Variants in AFTPH observed in about 807,000 individuals in gnomAD.
The protein encoded by AFTPH is aftiphilin protein.
A neutral mutation model predicts 72.5 loss-of-function variants in AFTPH; 7 were observed. That is an observed-to-expected ratio of 0.10 (90% CI 0.05 to 0.18). The LOEUF (loss-of-function observed/expected upper bound fraction) is 0.18, where lower values mean the gene tolerates loss of function less well. Among genes scored for constraint, AFTPH ranks in the 10% least tolerant of loss-of-function variants. AFTPH has a pLI of 1.00. For missense variants in AFTPH, 979 were observed against 1,060.5 expected (o/e 0.92, Z 1.07); for synonymous variants, 337 against 370.1 (o/e 0.91, Z 1.03).
chr2:64,550,730 CA>C (rs1553398442), intron 1 of AFTPH, among the ~76,000 whole-genome samples: 2 of 140,262 alleles, frequency 1.4e-5, no homozygotes, highest in Admixed American at 7.0e-5. Context: ...CACACACACA[CA>C]ACTGGTGAAA....
intron 1 of AFTPH, among the ~76,000 whole-genome samples, chr2:64,527,769 C>A (rs1055997343): frequency 6.6e-6 from 1 of 152,148 alleles, no homozygotes; most frequent in Admixed American, 6.5e-5. Context: ...GAATTGTTTG[C>A]CTCTCCAGAT....
chr2:64,536,904 G>A (rs1219563241), intron 1 of AFTPH, among the ~76,000 whole-genome samples: 2 of 134,614 alleles, frequency 1.5e-5, no homozygotes, highest in African/African-American at 5.6e-5. Context: ...AGTGAGCCAT[G>A]ATTGCACCAC....
chr2:64,524,909 G>A (rs1228544337), intron 1 of AFTPH, among the ~76,000 whole-genome samples: 1 of 152,244 alleles, frequency 6.6e-6, no homozygotes, highest in African/African-American at 2.4e-5. Context: ...GGCTCTCCCT[G>A]CCCCTTTGCT....
At chr2:64,561,513 CA>C (rs1281968767) in intron 2 of AFTPH, among the ~76,000 whole-genome samples, 3 of 151,834 alleles carry the variant, frequency 2.0e-5, no homozygotes, top group African/African-American at 7.3e-5. Flanking sequence ...GCCATCTCTA[CA>C]AAAAATAAAA....
intron 1 of AFTPH, among the ~76,000 whole-genome samples, chr2:64,550,946 GAAAT>G (rs749327577): frequency 1.3e-5 from 2 of 151,998 alleles, no homozygotes; most frequent in African/African-American, 2.4e-5. Flanking sequence ...ACTTGGGTCA[GAAAT>G]AAACATTGAA....
At chr2:64,584,817 T>C (rs553612903) in intron 7 of AFTPH, among the ~76,000 whole-genome samples, 148 of 152,218 alleles carry the variant, frequency 9.7e-4, no homozygotes, top group African/African-American at 2.5e-3. Context: ...AGGACGGTCT[T>C]GATCTCCTGA....
chr2:64,534,561 A>T (rs1295949545), intron 1 of AFTPH, among the ~76,000 whole-genome samples: 1 of 152,190 alleles, frequency 6.6e-6, no homozygotes, highest in Non-Finnish European at 1.5e-5. Context: ...ATTAGGTTTC[A>T]TAAGTTTACA....
At chr2:64,552,020 A>C (rs768955157) in exon 2 of AFTPH, 63 of 1,613,844 alleles carry the variant, frequency 3.9e-5, no homozygotes, top group Non-Finnish European at 5.0e-5. Context: ...TGGAGATTCT[A>C]ACAAATGGGT....
chr2:64,561,691 A>G (rs554287422), intron 2 of AFTPH, among the ~76,000 whole-genome samples: 1 of 152,298 alleles, frequency 6.6e-6, no homozygotes, highest in South Asian at 2.1e-4. Context: ...AAAGAAAAAA[A>G]AAATCAAGTA....
chr2:64,584,636 A>G (rs548648176), intron 7 of AFTPH, among the ~76,000 whole-genome samples: 16 of 123,736 alleles, frequency 1.3e-4, no homozygotes, highest in Admixed American at 3.0e-4. Flanking sequence ...TTGTTCTGTC[A>G]CCCAGGCTGG....
chr2:64,555,686 G>T (rs1207528291), intron 2 of AFTPH, among the ~76,000 whole-genome samples: 1 of 152,132 alleles, frequency 6.6e-6, no homozygotes, highest in Non-Finnish European at 1.5e-5. Flanking sequence ...TGGATGTTGG[G>T]AAAGAGAAAC....
At chr2:64,591,741 A>T in intron 8 of AFTPH, 147 bp from the exon 10 acceptor site, 1 of 795,482 alleles carries the variant, frequency 1.3e-6, no homozygotes, top group Admixed American at 2.6e-5. Flanking sequence ...ACTGCACAAA[A>T]GTATTACAAG....
rs2103973408 is a variant in AFTPH at position 64,557,471 on chromosome 2, A to C, written c.1935+4062A>C. Among the ~76,000 whole-genome samples, 4 of 152,290 alleles carry C rather than the reference A, an allele frequency of 2.6e-5. 1 individual carries two copies. In the South Asian group the frequency reaches 8.3e-4, roughly 32 times the overall value. ...TAATACCTTGGCTTGTGTTAGTTCAAGATTAAGTTACTGGTTTGTTTTGTT... is the reference window on the plus strand; with the variant it reads ...TAATACCTTGGCTTGTGTTAGTTCACGATTAAGTTACTGGTTTGTTTTGTT... On this transcript the variant is annotated intron_variant, in intron 2 of 8. Coordinates refer to ENST00000238856, the Ensembl canonical transcript of AFTPH.
intron 8 of AFTPH, among the ~76,000 whole-genome samples, chr2:64,589,223 A>G (rs1166253605): frequency 1.3e-5 from 2 of 152,184 alleles, no homozygotes; most frequent in Non-Finnish European, 2.9e-5. Context: ...ATTTCTGTAT[A>G]TGGTATGAGG....
intron 1 of AFTPH, among the ~76,000 whole-genome samples, chr2:64,525,054 C>T (rs1008963673): frequency 6.6e-6 from 1 of 152,212 alleles, no homozygotes; most frequent in Admixed American, 6.5e-5. Context: ...CACCGAGGCC[C>T]GAGGCTGGCC....
chr2:64,568,286 C>T (rs149077366), intron 3 of AFTPH, among the ~76,000 whole-genome samples: 2 of 132,112 alleles, frequency 1.5e-5, no homozygotes, highest in East Asian at 4.4e-4. Flanking sequence ...ATTATAATCA[C>T]GTATGTATTG....
intron 7 of AFTPH, among the ~76,000 whole-genome samples, chr2:64,583,890 C>A (rs1337944348): frequency 6.6e-6 from 1 of 151,992 alleles, no homozygotes; most frequent in Non-Finnish European, 1.5e-5. Context: ...TCTGTGTTTA[C>A]TTCTGTAAAG....
chr2:64,591,869 T>A lies in AFTPH; in HGVS notation c.2580-16T>A, dbSNP rs767287476. On this transcript the variant is annotated splice_polypyrimidine_tract_variant and intron_variant, in intron 8 of 8. Coordinates refer to ENST00000238856, the Ensembl canonical transcript of AFTPH. The stretch of plus-strand genomic sequence containing the variant: ...CAAAGTCACATTAACACACTTGTCT[T>A]TTTTTCATTTGTCAGTAGGAAACCG... 3.1e-6 allele frequency: 5 copies of A among 1,613,146 alleles called. No individual in the cohort carries two copies. The highest frequency in any genetic ancestry group is 4.2e-6 in the Non-Finnish European group (5 of 1,179,294).
chr2:64,589,939 A>G (rs950184905), intron 8 of AFTPH, among the ~76,000 whole-genome samples: 12 of 14,808 alleles, frequency 8.1e-4, no homozygotes, highest in Non-Finnish European at 1.5e-3. Context: ...ATGCAAATAC[A>G]TATATGGGGG....
Sources: gnomAD v4.1 joint callset for allele counts (sites outside exome capture counted in the v4.1 genomes callset) on GRCh38, gnomAD v4.1.1 for gene constraint, MANE v1.5 for transcripts, NCBI Gene and HGNC (gene_info 2026-07-23, HGNC 2026-07-21) for gene names.